Variants in SLC41A3 observed in about 807,000 individuals in gnomAD.
SLC41A3 encodes the protein SLC41A1-like 2.
SLC41A3 carries 44 observed loss-of-function variants against 45.4 expected under a neutral mutation model. The observed-to-expected ratio is 0.97, with a 90% CI of 0.76 to 1.25. The LOEUF (loss-of-function observed/expected upper bound fraction) is 1.25. SLC41A3 is among the 50% of genes most tolerant of loss of function. The pLI is 0.00. For missense variants in SLC41A3, 550 were observed against 600.6 expected, an observed-to-expected ratio of 0.92 and a Z score of 0.88; for synonymous variants, 256 against 252.4, an observed-to-expected ratio of 1.01 and a Z score of -0.13.
At position 126,068,034 on chromosome 3, in the gene SLC41A3, G is replaced by C; in HGVS notation, c.186C>G (p.Thr62=). 6.2e-7 allele frequency: 1 copy of C among 1,613,954 alleles called. No homozygotes were observed. The highest frequency in any genetic ancestry group is 8.5e-7 in the Non-Finnish European group (1 of 1,179,980). ...CGGTCACCTGAAGGCCTATGGACCA[G>C]GTGGTCTCCCTGCTAGGCTCAGTCT... ...PLETEPSRET[T]WSIGLQVTVP... Residue 62 remains threonine, a synonymous_variant, in exon 2 of 11, where the codon ACC becomes ACG. Coordinates refer to ENST00000360370, the MANE Select transcript of SLC41A3 (RefSeq NM_017836.4).
chr3:126,066,887 C>T (rs1944371757), intron 2 of SLC41A3, among the ~76,000 whole-genome samples: 1 of 152,126 alleles, frequency 6.6e-6, no homozygotes, highest in Non-Finnish European at 1.5e-5. Context: ...TGGAGGGCAA[C>T]CAAATTAATT....
intron 3 of SLC41A3, among the ~76,000 whole-genome samples, chr3:126,045,981 GA>G (rs2107846248): frequency 6.7e-6 from 1 of 150,030 alleles, no homozygotes; most frequent in Admixed American, 6.6e-5. Context: ...CATGTTAACA[GA>G]ATCAATGGGG....
intron 4 of SLC41A3, among the ~76,000 whole-genome samples, chr3:126,030,810 G>A (rs1941743587): frequency 6.6e-6 from 1 of 152,146 alleles, no homozygotes; most frequent in Admixed American, 6.6e-5. Flanking sequence ...TTAAAAAGTT[G>A]ATAATATAAA....
chr3:126,041,421 C>A (rs1345700853), intron 3 of SLC41A3, among the ~76,000 whole-genome samples: 2 of 152,212 alleles, frequency 1.3e-5, no homozygotes, highest in East Asian at 3.9e-4. Flanking sequence ...AATTCCATAA[C>A]ACAGATGATA....
At chr3:126,064,682 T>G (rs1390081325) in intron 2 of SLC41A3, among the ~76,000 whole-genome samples, 2 of 152,186 alleles carry the variant, frequency 1.3e-5, no homozygotes, top group Non-Finnish European at 2.9e-5. Flanking sequence ...GCCAGCCCTC[T>G]TGCCCTCCTG....
chr3:126,060,899 T>A (rs1462763845), intron 2 of SLC41A3, among the ~76,000 whole-genome samples: 1 of 152,140 alleles, frequency 6.6e-6, no homozygotes, highest in Admixed American at 6.5e-5. Flanking sequence ...TGCTCACCCA[T>A]CAGGGGCACC....
chr3:126,065,527 A>C (rs1390128706), intron 2 of SLC41A3, among the ~76,000 whole-genome samples: 1 of 152,200 alleles, frequency 6.6e-6, no homozygotes, highest in Non-Finnish European at 1.5e-5. Flanking sequence ...TCATATATGC[A>C]ATGAAAAGAA....
At chr3:126,095,143 G>A in intron 1 of SLC41A3, 1 of 604,148 alleles carries the variant, frequency 1.7e-6, no homozygotes, top group South Asian at 2.0e-5. Context: ...TTGGGAAATA[G>A]GTAAAATAAT....
At chr3:126,042,523 AAC>A (rs1268311860) in intron 3 of SLC41A3, among the ~76,000 whole-genome samples, 1 of 152,214 alleles carries the variant, frequency 6.6e-6, no homozygotes, top group African/African-American at 2.4e-5. Flanking sequence ...AAAAAAGTGA[AAC>A]ACAGTCTAGT....
intron 3 of SLC41A3, among the ~76,000 whole-genome samples, chr3:126,041,257 T>C (rs1245474634): frequency 2.8e-5 from 4 of 142,616 alleles, no homozygotes; most frequent in East Asian, 2.3e-4. Context: ...TGTACCCAAA[T>C]AGGAGTTATG....
At chr3:126,033,474 G>T in intron 4 of SLC41A3, 133 bp downstream of exon 4, 2 of 921,022 alleles carry the variant, frequency 2.2e-6, no homozygotes, top group South Asian at 1.6e-5. Flanking sequence ...GATGTGGGAG[G>T]GACAGGTAGC....
chr3:126,057,653 C>A (rs1336227702), intron 2 of SLC41A3, among the ~76,000 whole-genome samples: 2 of 152,226 alleles, frequency 1.3e-5, no homozygotes, highest in Non-Finnish European at 2.9e-5. Context: ...AGCCTGGAGT[C>A]CACTGCCCTC....
At chr3:126,038,646 T>C (rs1942372564) in intron 3 of SLC41A3, among the ~76,000 whole-genome samples, 2 of 152,248 alleles carry the variant, frequency 1.3e-5, no homozygotes, top group Non-Finnish European at 2.9e-5. Flanking sequence ...AAATCACTCA[T>C]AAGTGGAAGA....
intron 3 of SLC41A3, among the ~76,000 whole-genome samples, chr3:126,043,829 CAAAAAA>C (rs370988840): frequency 0.1 from 2,363 of 23,742 alleles, 76 homozygotes; most frequent in Non-Finnish European, 0.16. Context: ...AACAAAAAAA[CAAAAAA>C]AAAACACCCC....
At chr3:126,095,224 C>T (rs1388394089) in intron 1 of SLC41A3, 1 of 692,040 alleles carries the variant, frequency 1.4e-6, no homozygotes, top group Non-Finnish European at 2.6e-6. Context: ...ACCATCAAGA[C>T]ACCTGAAACC....
intron 2 of SLC41A3, among the ~76,000 whole-genome samples, chr3:126,067,107 C>T (rs1212558765): frequency 5.9e-5 from 8 of 135,684 alleles, no homozygotes; most frequent in East Asian, 2.4e-4. Context: ...CCCCGCCCCC[C>T]GCCCCGGCCA....
In SLC41A3 at chr3:126,016,627, T is replaced by C. The variant is rs1940310788; in HGVS notation, c.890+104A>G. On this transcript the variant is annotated intron_variant, in intron 7 of 10. Coordinates refer to ENST00000360370, the MANE Select transcript of SLC41A3 (RefSeq NM_017836.4). ...GTTACTGAAAGAGCCCACAGCTACA[T>C]TTCACTCCATTCCTGTCCCCCAAGG... The C allele has an allele frequency of 6.3e-6, 9 of 1,422,492 alleles. No homozygotes were observed. The South Asian group carries it at 1.2e-4, about 18-fold the overall frequency. 88.1% of individuals were successfully genotyped at this position (1,422,492 alleles called of 1,614,324 possible). A position where few individuals can be genotyped will look rare whatever the true frequency, so the allele number is the denominator to read the frequency against.
intron 4 of SLC41A3, among the ~76,000 whole-genome samples, chr3:126,032,384 C>A (rs575488377): frequency 6.6e-6 from 1 of 152,202 alleles, no homozygotes; most frequent in African/African-American, 2.4e-5. Context: ...AGCCTCAAAG[C>A]GACTGCATGC....
At chr3:126,068,911 CT>C (rs553547756) in intron 1 of SLC41A3, among the ~76,000 whole-genome samples, 1 of 152,222 alleles carries the variant, frequency 6.6e-6, no homozygotes, top group African/African-American at 2.4e-5. Flanking sequence ...GGTGCAAAAC[CT>C]TTTGCCCTGG....
Sources: allele counts gnomAD v4.1 joint callset (sites outside exome capture counted in the v4.1 genomes callset), GRCh38; gene constraint gnomAD v4.1.1; transcripts MANE v1.5; gene names NCBI Gene and HGNC (gene_info 2026-07-23, HGNC 2026-07-21).